The following RHOU variants were observed in gnomAD, a reference collection of about 807,000 sequenced individuals.
The protein encoded by RHOU is rho-related GTP-binding protein RhoU.
A neutral mutation model predicts 12.6 loss-of-function variants in RHOU; 8 were observed. The ratio of observed to expected loss-of-function variants is 0.64; its 90% CI spans 0.37 to 1.15. RHOU has a LOEUF of 1.15. RHOU is among the 50% of genes most tolerant of loss of function. The pLI, the probability that RHOU is intolerant of heterozygous loss-of-function variation, is 0.01. For missense variants in RHOU, 258 were observed against 347.0 expected (o/e 0.74, Z 2.04); for synonymous variants, 161 against 147.4 (o/e 1.09, Z -0.67).
chr1:228,647,014 C>T, the RHOU span, among the ~76,000 whole-genome samples: 18 of 144,716 alleles, frequency 1.2e-4, no homozygotes, highest in Non-Finnish European at 2.7e-4. Flanking sequence ...ACGCGAGGTC[C>T]AGGGGGAAAC....
intron 2 of RHOU, among the ~76,000 whole-genome samples, chr1:228,742,502 T>C (rs1662744781): frequency 6.6e-6 from 1 of 152,196 alleles, no homozygotes; most frequent in Admixed American, 6.5e-5. Context: ...TCCAAAGCAC[T>C]GTACATGGAG....
chr1:228,682,401 C>A, the RHOU span, among the ~76,000 whole-genome samples: 3 of 152,132 alleles, frequency 2.0e-5, no homozygotes, highest in Non-Finnish European at 4.4e-5. Context: ...TTTGTGTGAG[C>A]AACAAGGCTG....
chr1:228,715,339 T>G, the RHOU span, among the ~76,000 whole-genome samples: 2 of 152,126 alleles, frequency 1.3e-5, no homozygotes, highest in African/African-American at 4.8e-5. Flanking sequence ...TTTAGAAATT[T>G]TATAATTTCA....
the RHOU span, among the ~76,000 whole-genome samples, chr1:228,680,211 C>T: frequency 8.6e-5 from 13 of 152,034 alleles, no homozygotes; most frequent in African/African-American, 2.4e-4. Flanking sequence ...CGAGGTGATC[C>T]GGCAGCATCA....
rs1348034284 is a variant in RHOU at position 228,735,703 on chromosome 1, C to A, written c.-40C>A. The A allele has an allele frequency of 8.4e-7, 1 of 1,189,618 alleles. No individual in the cohort carries two copies. Among genetic ancestry groups the A allele is most frequent in the Non-Finnish European group, 1.0e-6 (1 of 963,070 alleles). The allele number at this position is 1,189,618 out of a possible 1,614,324, so 73.7% of individuals were successfully genotyped here. A position where few individuals can be genotyped will look rare whatever the true frequency, so the allele number is the denominator to read the frequency against. On this transcript the variant is annotated 5_prime_UTR_variant, in exon 1 of 3. Transcript: ENST00000366691. This position sits in a 1 kb window ranked among gnomAD's most constrained non-coding sequence, Gnocchi z 8.1. The stretch of plus-strand genomic sequence containing the variant: ...GGGGCGGAGGGGCGGTCGGGCCGGG[C>A]CCTGCTAGCCCGCGACCGCAAGCCC...
the RHOU span, among the ~76,000 whole-genome samples, chr1:228,688,653 C>G: frequency 6.6e-6 from 1 of 152,184 alleles, no homozygotes; most frequent in Non-Finnish European, 1.5e-5. Context: ...CTGAGCCTGG[C>G]CATGGCCAGT....
chr1:228,654,433 A>G, the RHOU span, among the ~76,000 whole-genome samples: 2 of 152,164 alleles, frequency 1.3e-5, no homozygotes, highest in South Asian at 4.1e-4. Flanking sequence ...GACAAGTCTC[A>G]TAGTTGATGT....
upstream of RHOU, among the ~76,000 whole-genome samples, chr1:228,731,841 TAAG>T (rs1662503249): frequency 1.3e-5 from 2 of 152,054 alleles, no homozygotes; most frequent in Admixed American, 1.3e-4. Context: ...GACAAGATCT[TAAG>T]AACGGAAATT....
the RHOU span, among the ~76,000 whole-genome samples, chr1:228,716,007 G>T: frequency 6.6e-6 from 1 of 151,150 alleles, no homozygotes; most frequent in African/African-American, 2.4e-5. Flanking sequence ...CAACATCTTA[G>T]GCTCAAGCAA....
At chr1:228,671,312 A>G in the RHOU span, among the ~76,000 whole-genome samples, 1 of 152,152 alleles carries the variant, frequency 6.6e-6, no homozygotes. Flanking sequence ...GCCTCAAGTA[A>G]TTCTTTATAG....
the RHOU span, among the ~76,000 whole-genome samples, chr1:228,648,540 C>G: frequency 1.3e-5 from 2 of 152,210 alleles, no homozygotes; most frequent in Non-Finnish European, 2.9e-5. Flanking sequence ...TTGCAAGACC[C>G]TCTCTTGCTT....
the RHOU span, among the ~76,000 whole-genome samples, chr1:228,673,288 C>G: frequency 6.6e-6 from 1 of 152,212 alleles, no homozygotes; most frequent in Non-Finnish European, 1.5e-5. Flanking sequence ...AATGGAATCA[C>G]AGCATGCATT....
the RHOU span, among the ~76,000 whole-genome samples, chr1:228,724,136 T>C: frequency 6.6e-6 from 1 of 152,348 alleles, no homozygotes; most frequent in African/African-American, 2.4e-5. Flanking sequence ...GGAGTGTCTG[T>C]GTGCTCACTG....
the RHOU span, among the ~76,000 whole-genome samples, chr1:228,688,622 C>G: frequency 6.6e-6 from 1 of 152,160 alleles, no homozygotes; most frequent in Non-Finnish European, 1.5e-5. Flanking sequence ...TGTTCTAGCC[C>G]AGGCTCATGA....
chr1:228,737,558 C>CATTTT lies in RHOU; in HGVS notation c.263-115_263-114insATTTT, dbSNP rs1662634545. 9.6e-7 allele frequency: 1 copy of CATTTT among 1,047,068 alleles called. No individual in the cohort carries two copies. The highest frequency in any genetic ancestry group is 1.9e-5 in the Admixed American group (1 of 52,218). The allele number at this position is 1,047,068 out of a possible 1,614,324, so 64.9% of individuals were successfully genotyped here. A position where few individuals can be genotyped will look rare whatever the true frequency, so the allele number is the denominator to read the frequency against. Reference sequence around the variant, plus strand: ...GCTAGTCTTTAATTCATTAGAGGACCTAAAATAGGAGCAAAGGGGTTTGGA... The same window carrying CATTTT: ...GCTAGTCTTTAATTCATTAGAGGACCATTTTTAAAATAGGAGCAAAGGGGTTTGGA... On this transcript the variant is annotated intron_variant, in intron 1 of 2. Coordinates refer to ENST00000366691, the MANE Select transcript of RHOU (RefSeq NM_021205.6). This position sits in a 1 kb window ranked among gnomAD's most constrained non-coding sequence, Gnocchi z 4.1.
chr1:228,716,625 T>A, the RHOU span, among the ~76,000 whole-genome samples: 2 of 152,124 alleles, frequency 1.3e-5, no homozygotes, highest in Non-Finnish European at 2.9e-5. Context: ...CCAGCACTTA[T>A]TACAGTGGTC....
chr1:228,647,388 G>T, the RHOU span, among the ~76,000 whole-genome samples: 1 of 152,204 alleles, frequency 6.6e-6, no homozygotes, highest in Non-Finnish European at 1.5e-5. Context: ...CCGGAGGCCT[G>T]GGTCTCTGGC....
At chr1:228,650,188 G>A in the RHOU span, 1 of 456,712 alleles carries the variant, frequency 2.2e-6, no homozygotes, top group South Asian at 1.5e-5. Context: ...ATCAGCGGCT[G>A]CAGCCCCATG....
upstream of RHOU, among the ~76,000 whole-genome samples, chr1:228,734,720 A>T (rs1366718432): frequency 6.6e-6 from 1 of 152,236 alleles, no homozygotes; most frequent in African/African-American, 2.4e-5. Flanking sequence ...CCTTTTTCTG[A>T]ATAGACTGTT....
Sources: gnomAD v4.1 joint callset for allele counts (sites outside exome capture counted in the v4.1 genomes callset) on GRCh38, gnomAD v4.1.1 for gene constraint, Gnocchi (gnomAD v3.1) non-coding constraint, MANE v1.5 for transcripts, NCBI Gene and HGNC (gene_info 2026-07-23, HGNC 2026-07-21) for gene names.